Variants in LIMA1 observed in about 807,000 individuals in gnomAD.
The protein encoded by LIMA1 is LIM domain and actin binding 1, also known as LIM domain and actin-binding protein 1.
LIMA1 carries 52 observed loss-of-function variants against 62.6 expected under a neutral mutation model. The observed-to-expected ratio is 0.83, with a 90% CI of 0.67 to 1.05. The LOEUF (loss-of-function observed/expected upper bound fraction) is 1.05. LIMA1 is among the 50% of genes least tolerant of loss of function. LIMA1 has a pLI of 0.00. For synonymous variants in LIMA1, 302 were observed against 317.8 expected (o/e 0.95, Z 0.53); for missense variants, 780 against 902.2 (o/e 0.86, Z 1.74).
intron 8 of LIMA1, among the ~76,000 whole-genome samples, chr12:50,193,718 G>T (rs1289331836): frequency 7.8e-6 from 1 of 128,492 alleles, no homozygotes; most frequent in African/African-American, 3.0e-5. Flanking sequence ...AGGCTGGAGT[G>T]CAGTGGCATG....
intron 1 of LIMA1, among the ~76,000 whole-genome samples, chr12:50,273,743 T>A (rs1407504666): frequency 2.0e-5 from 3 of 152,178 alleles, no homozygotes. Flanking sequence ...TTTCAGAGCA[T>A]GTGTTAATAG....
intron 4 of LIMA1, among the ~76,000 whole-genome samples, chr12:50,212,074 T>C (rs370251641): frequency 1.3e-5 from 2 of 152,326 alleles, no homozygotes; most frequent in East Asian, 1.9e-4. Context: ...CGCACCAAGA[T>C]GTACTAGTAA....
intron 9 of LIMA1, among the ~76,000 whole-genome samples, chr12:50,184,152 T>A (rs1940574795): frequency 6.6e-6 from 1 of 152,192 alleles, no homozygotes; most frequent in African/African-American, 2.4e-5. Context: ...GACCACAGGT[T>A]ACAACCTAGT....
At position 50,177,184 on chromosome 12, in the gene LIMA1, A is replaced by G. The variant is rs113030643; in HGVS notation, c.2160T>C (p.Thr720=). The part of the protein sequence containing the change: ...FVDNTFAEEF[T]TQNQKSQDVE... ...CATCCTGGGATTTCTGATTCTGAGT[A>G]GTGAATTCTTCAGCAAAGGTGTTGT... Residue 720 remains threonine (T), a synonymous_variant, in exon 11 of 11, where the codon ACT becomes ACC. Coordinates refer to ENST00000341247, the MANE Select transcript of LIMA1 (RefSeq NM_016357.5). 1.9e-6 allele frequency: 3 copies of G among 1,614,000 alleles called. No individual in the cohort carries two copies. Among genetic ancestry groups the G allele is most frequent in the Admixed American group, 3.3e-5 (2 of 59,992 alleles).
At chr12:50,192,809 C>G (rs1356025152) in intron 8 of LIMA1, among the ~76,000 whole-genome samples, 1 of 152,212 alleles carries the variant, frequency 6.6e-6, no homozygotes. Context: ...TAGCAGAAAT[C>G]CAAACCACTC....
intron 10 of LIMA1, among the ~76,000 whole-genome samples, chr12:50,178,966 A>ATATATATTTTT (rs56674261): frequency 3.1e-5 from 4 of 128,928 alleles, no homozygotes; most frequent in Non-Finnish European, 7.0e-5. Context: ...ATATATATAT[A>ATATATATTTTT]TTTTTTTTTT....
Position 50,280,144 on chromosome 12 carries a change from A to ATTTTTTTTTTT in LIMA1, c.-24+3265_-24+3275dup, listed in dbSNP as rs71441354. On this transcript the variant is annotated intron_variant, in intron 1 of 10. Transcript: ENST00000341247. ...AAGTTCTTAGTTTCAGGGTAGTAGT[A>ATTTTTTTTTTT]TTTTTTTTTTTTTTTTTTTTTTTTT... 3.7e-4 allele frequency among the ~76,000 whole-genome samples: 25 copies of ATTTTTTTTTTT among 68,310 alleles called. 2 individuals carry two copies. Among genetic ancestry groups the ATTTTTTTTTTT allele is most frequent in the African/African-American group, 1.0e-3 (17 of 16,604 alleles). 44.8% of individuals were successfully genotyped at this position (68,310 alleles called of 152,430 possible). A position where few individuals can be genotyped will look rare whatever the true frequency, so the allele number is the denominator to read the frequency against.
chr12:50,217,827 C>T, intron 4 of LIMA1: 1 of 264,770 alleles, frequency 3.8e-6, no homozygotes, highest in Non-Finnish European at 7.6e-6. Context: ...ACACAGGCAT[C>T]TAGGACGCTC....
At chr12:50,261,911 G>C (rs1565862296) in intron 1 of LIMA1, among the ~76,000 whole-genome samples, 3 of 152,172 alleles carry the variant, frequency 2.0e-5, no homozygotes, top group African/African-American at 4.8e-5. Context: ...TCAAGTATTT[G>C]TTAATGAAGA....
Position 50,192,995 on chromosome 12 carries a change from TGTGTGTGTGC to T in LIMA1, c.1031-444_1031-435del, listed in dbSNP as rs916519383. Among the ~76,000 whole-genome samples the T allele has an allele frequency of 1.3e-4, 14 of 106,808 alleles. No homozygotes were observed. The East Asian group carries it at 4.6e-3, about 35-fold the overall frequency. The allele number at this position is 106,808 out of a possible 152,430, so 70.1% of individuals were successfully genotyped here. On this transcript the variant is annotated intron_variant, in intron 8 of 10. Coordinates refer to ENST00000341247, the MANE Select transcript of LIMA1 (RefSeq NM_016357.5). ...TTTGTACTCTGTGTGTGTGTGTGTG[TGTGTGTGTGC>T]GCGCGTGCGCGCATTTGTGTATACA...
At chr12:50,218,907 AAAC>A (rs201518810) in intron 4 of LIMA1, among the ~76,000 whole-genome samples, 23 of 138,546 alleles carry the variant, frequency 1.7e-4, no homozygotes, top group Non-Finnish European at 2.7e-4. Flanking sequence ...AAAAAAAAAA[AAAC>A]AAAAACAAAA....
chr12:50,217,900 CTTTTCTTTTT>C, intron 4 of LIMA1: 1 of 151,348 alleles, frequency 6.6e-6, no homozygotes, highest in Non-Finnish European at 1.4e-5. Context: ...TGATGAATTT[CTTTTCTTTTT>C]TTTTTTTTTT....
At chr12:50,243,918 T>C (rs761581374) in intron 2 of LIMA1, among the ~76,000 whole-genome samples, 13 of 151,854 alleles carry the variant, frequency 8.6e-5, no homozygotes, top group Non-Finnish European at 1.5e-4. Context: ...TTTATATATT[T>C]CTTTTTTTTT....
intron 4 of LIMA1, chr12:50,217,637 T>G: frequency 5.1e-6 from 1 of 194,304 alleles, no homozygotes; most frequent in East Asian, 1.3e-4. Flanking sequence ...GGGGTGGAGG[T>G]GTTCGGTCCT....
intron 4 of LIMA1, chr12:50,220,525 T>C (rs1309949492): frequency 6.6e-6 from 1 of 152,266 alleles, no homozygotes; most frequent in East Asian, 1.9e-4. Context: ...TTTCCTACCT[T>C]TGGCCAGTTT....
intron 3 of LIMA1, among the ~76,000 whole-genome samples, chr12:50,226,705 G>A (rs1295742805): frequency 2.0e-5 from 3 of 152,048 alleles, no homozygotes; most frequent in Admixed American, 2.0e-4. Flanking sequence ...TGGGCGTGGT[G>A]GCGTGCGCCT....
intron 3 of LIMA1, among the ~76,000 whole-genome samples, chr12:50,231,309 A>T (rs1184313548): frequency 6.6e-6 from 1 of 152,230 alleles, no homozygotes; most frequent in Non-Finnish European, 1.5e-5. Context: ...TACCATTTAA[A>T]TGCACAGATG....
intron 10 of LIMA1, among the ~76,000 whole-genome samples, chr12:50,180,614 CTTGA>C (rs1940477064): frequency 6.6e-6 from 1 of 152,114 alleles, no homozygotes; most frequent in African/African-American, 2.4e-5. Context: ...TAGATATAAG[CTTGA>C]TTAATAGAAG....
intron 3 of LIMA1, among the ~76,000 whole-genome samples, chr12:50,225,744 G>A (rs899717104): frequency 1.3e-5 from 2 of 152,050 alleles, no homozygotes; most frequent in Non-Finnish European, 2.9e-5. Context: ...TAGAGACGGG[G>A]TTTCACCATG....
Sources: gnomAD v4.1 joint callset for allele counts (sites outside exome capture counted in the v4.1 genomes callset) on GRCh38, gnomAD v4.1.1 for gene constraint, MANE v1.5 for transcripts, NCBI Gene and HGNC (gene_info 2026-07-23, HGNC 2026-07-21) for gene names.